OPHN1: variants seen among roughly 807,000 people sequenced by gnomAD.
OPHN1 encodes oligophrenin 1.
In OPHN1, 11 loss-of-function variants were observed where a neutral mutation model predicts 60.7. The ratio of observed to expected loss-of-function variants is 0.18; its 90% CI spans 0.11 to 0.30. The LOEUF is 0.30. OPHN1 is among the 10% of genes least tolerant of loss of function. OPHN1 has a pLI of 1.00. For synonymous variants in OPHN1, 226 were observed against 222.6 expected, an observed-to-expected ratio of 1.02 and a Z score of -0.14; for missense variants, 449 against 611.0, an observed-to-expected ratio of 0.73 and a Z score of 2.80.
intron 15 of OPHN1, chrX:68,133,006 G>A (rs1207953806): frequency 2.3e-5 from 11 of 475,990 alleles, no homozygotes; most frequent in Non-Finnish European, 3.8e-5. Context: ...AGCCGCCGCC[G>A]CTTCAGACGC....
intron 21 of OPHN1, among the ~76,000 whole-genome samples, chrX:68,058,259 A>AACACACAC (rs745625536): frequency 1.5e-3 from 149 of 101,994 alleles, no homozygotes; most frequent in African/African-American, 5.1e-3. Flanking sequence ...CCTACACTCT[A>AACACACAC]ACACACACAC....
At chrX:68,074,736 C>T (rs1238229970) in intron 19 of OPHN1, among the ~76,000 whole-genome samples, 3 of 111,122 alleles carry the variant, frequency 2.7e-5, no homozygotes, top group Non-Finnish European at 3.8e-5. Flanking sequence ...ACATATAACA[C>T]GTTTTACTTA....
At chrX:68,370,143 A>G (rs1190559749) in intron 2 of OPHN1, among the ~76,000 whole-genome samples, 1 of 105,122 alleles carries the variant, frequency 9.5e-6, no homozygotes, top group Admixed American at 1.0e-4. Flanking sequence ...GCAGGAGTTC[A>G]TTACCAATAG....
chrX:68,371,142 C>T (rs1177129262), intron 2 of OPHN1, among the ~76,000 whole-genome samples: 1 of 110,963 alleles, frequency 9.0e-6, no homozygotes, highest in African/African-American at 3.3e-5. Context: ...CAATGACAGA[C>T]CACATATGCA....
intron 19 of OPHN1, among the ~76,000 whole-genome samples, chrX:68,084,092 C>G (rs2076985701): frequency 9.1e-6 from 1 of 110,277 alleles, no homozygotes; most frequent in Non-Finnish European, 1.9e-5. Context: ...CTCTGATAGA[C>G]TTGCTTGAAA....
chrX:68,219,766 G>C (rs2077641731), intron 6 of OPHN1, among the ~76,000 whole-genome samples: 1 of 104,987 alleles, frequency 9.5e-6, no homozygotes, highest in Admixed American at 1.0e-4. Flanking sequence ...GAATCTCTGG[G>C]ATGCATTCAA....
chrX:68,167,705 G>A (rs779271494), intron 15 of OPHN1, among the ~76,000 whole-genome samples: 1 of 77,965 alleles, frequency 1.3e-5, no homozygotes, highest in African/African-American at 8.1e-5. Context: ...ATACACATAT[G>A]TGTATATGTG....
chrX:68,066,496 C>T (rs748775303), intron 20 of OPHN1, among the ~76,000 whole-genome samples: 24 of 111,355 alleles, frequency 2.2e-4, no homozygotes, highest in East Asian at 1.4e-3. Context: ...ATGATGACTT[C>T]GGAGCCAGGC....
chrX:68,094,009 A>G (rs1427719816), intron 19 of OPHN1, among the ~76,000 whole-genome samples: 2 of 109,995 alleles, frequency 1.8e-5, no homozygotes, highest in African/African-American at 6.6e-5. Flanking sequence ...AGTTTTCTAT[A>G]TTATCTTCTA....
intron 21 of OPHN1, among the ~76,000 whole-genome samples, chrX:68,063,515 C>T (rs7882082): frequency 5.8e-5 from 6 of 103,606 alleles, no homozygotes; most frequent in East Asian, 3.0e-4. Context: ...AGTGAGACTC[C>T]GTCTCAAAAA....
chrX:68,138,559 A>G (rs1337492288), intron 15 of OPHN1, among the ~76,000 whole-genome samples: 2 of 112,038 alleles, frequency 1.8e-5, no homozygotes, highest in Admixed American at 1.9e-4. Context: ...TACAAGATAA[A>G]CAGTGAACCC....
At chrX:68,323,288 C>CA (rs1167775382) in intron 2 of OPHN1, among the ~76,000 whole-genome samples, 3 of 111,783 alleles carry the variant, frequency 2.7e-5, no homozygotes, top group Non-Finnish European at 5.6e-5. Flanking sequence ...AGTCTAGCTA[C>CA]AATGGCTTCC....
intron 2 of OPHN1, among the ~76,000 whole-genome samples, chrX:68,387,770 T>A (rs1389932915): frequency 8.9e-6 from 1 of 111,788 alleles, no homozygotes; most frequent in East Asian, 2.8e-4. Context: ...CTGAAGGAAC[T>A]CATAGGAGGA....
At chrX:68,393,106 C>T (rs1043664862) in intron 2 of OPHN1, among the ~76,000 whole-genome samples, 4 of 111,805 alleles carry the variant, frequency 3.6e-5, no homozygotes, top group African/African-American at 1.3e-4. Context: ...GGCTCCTCCA[C>T]CTGTTCACCT....
rs776695069 is a variant in OPHN1, at chrX:68,248,424, C to T, written c.385-13836G>A. Among the ~76,000 whole-genome samples the T allele has an allele frequency of 3.6e-5, 4 of 111,544 alleles. No individual in the cohort carries two copies. In the East Asian group the frequency reaches 1.1e-3, roughly 31 times the overall value. On this transcript the variant is annotated intron_variant, in intron 5 of 24. Transcript: ENST00000355520. The stretch of plus-strand genomic sequence containing the variant: ...CTCACCCAGTTAAAATGGCTTATAT[C>T]CAAAAGACAGGCAATAACAAATGCT...
chrX:68,049,156 T>A (rs2076842294), intron 23 of OPHN1, among the ~76,000 whole-genome samples: 1 of 111,764 alleles, frequency 8.9e-6, no homozygotes, highest in East Asian at 2.8e-4. Flanking sequence ...CAGACTTATA[T>A]AGTGGCTATA....
intron 5 of OPHN1, among the ~76,000 whole-genome samples, chrX:68,273,049 C>T (rs1487361350): frequency 8.9e-6 from 1 of 111,737 alleles, no homozygotes; most frequent in Non-Finnish European, 1.9e-5. Context: ...TCTAACAATG[C>T]CCATGTCAAT....
intron 15 of OPHN1, among the ~76,000 whole-genome samples, chrX:68,169,594 T>A (rs2077378915): frequency 9.3e-6 from 1 of 107,804 alleles, no homozygotes; most frequent in African/African-American, 3.5e-5. Flanking sequence ...TATAGACCAA[T>A]GGAACAGAAC....
intron 3 of OPHN1, among the ~76,000 whole-genome samples, chrX:68,290,389 A>G (rs2078065204): frequency 9.0e-6 from 1 of 111,168 alleles, no homozygotes; most frequent in African/African-American, 3.3e-5. Flanking sequence ...ACTTGAGATC[A>G]GGAGTTTGAG....
Sources: gnomAD v4.1 joint callset for allele counts (sites outside exome capture counted in the v4.1 genomes callset) on GRCh38, gnomAD v4.1.1 for gene constraint, MANE v1.5 for transcripts, NCBI Gene and HGNC (gene_info 2026-07-23, HGNC 2026-07-21) for gene names.